Variants in SPATA13 observed in about 807,000 individuals in gnomAD.
The protein encoded by SPATA13 is spermatogenesis-associated protein 13.
In SPATA13, 50 loss-of-function variants were observed where a neutral mutation model predicts 104.0. That is an observed-to-expected ratio of 0.48 (90% CI 0.38 to 0.61). SPATA13 has a LOEUF of 0.61. SPATA13 is among the 20% of genes least tolerant of loss of function. SPATA13 has a pLI of 0.00. For synonymous variants in SPATA13, 606 were observed against 667.5 expected, an observed-to-expected ratio of 0.91 and a Z score of 1.42; for missense variants, 1,524 against 1,690.6, an observed-to-expected ratio of 0.90 and a Z score of 1.73.
intron 1 of SPATA13, among the ~76,000 whole-genome samples, chr13:24,193,896 A>C (rs1040240971): frequency 1.3e-5 from 2 of 152,150 alleles, no homozygotes; most frequent in East Asian, 3.9e-4. Context: ...TGCCCAGAAG[A>C]TCAGTAATTG....
At chr13:24,085,583 G>T (rs1013710336) in intron 3 of SPATA13, among the ~76,000 whole-genome samples, 1 of 152,202 alleles carries the variant, frequency 6.6e-6, no homozygotes, top group African/African-American at 2.4e-5. Context: ...CCAGAGGAAG[G>T]TGCTCCTTCT....
At chr13:24,040,252 GC>G (rs1377494932) in intron 3 of SPATA13, among the ~76,000 whole-genome samples, 1 of 152,178 alleles carries the variant, frequency 6.6e-6, no homozygotes, top group Non-Finnish European at 1.5e-5. Context: ...TCCACTGAGT[GC>G]TCTCTATGCA....
intron 4 of SPATA13, among the ~76,000 whole-genome samples, chr13:24,261,974 A>G (rs1874082740): frequency 6.6e-6 from 1 of 152,224 alleles, no homozygotes; most frequent in African/African-American, 2.4e-5. Context: ...TATGATATTA[A>G]CAATTATTTT....
Position 24,011,383 on chromosome 13 carries a change from A to C in SPATA13, c.-146-6284A>C, listed in dbSNP as rs1040940855. On this transcript the variant is annotated intron_variant, in intron 2 of 14. Coordinates refer to the SPATA13 transcript ENST00000424834. The surrounding 1 kb of genome is among the most constrained non-coding windows in gnomAD (Gnocchi z 4.3). Reference sequence around the variant, plus strand: ...GTCTGGGCCCAAGTGCTGAGGACTCAGGGATCCCTGAGACCGTTCTGGGCA... The same window carrying C: ...GTCTGGGCCCAAGTGCTGAGGACTCCGGGATCCCTGAGACCGTTCTGGGCA... Among the ~76,000 whole-genome samples the C allele has an allele frequency of 4.6e-5, 7 of 152,112 alleles. No homozygotes were observed. Among genetic ancestry groups the C allele is most frequent in the African/African-American group, 1.7e-4 (7 of 41,402 alleles).
intron 1 of SPATA13, among the ~76,000 whole-genome samples, chr13:24,188,044 A>G (rs903661295): frequency 1.3e-5 from 2 of 152,208 alleles, no homozygotes; most frequent in African/African-American, 4.8e-5. Context: ...GAAGGAAATT[A>G]AAAGTGATAC....
At chr13:24,173,254 T>G (rs1409338335) in intron 1 of SPATA13, among the ~76,000 whole-genome samples, 2 of 152,054 alleles carry the variant, frequency 1.3e-5, no homozygotes, top group Admixed American at 6.6e-5. Context: ...ATTTTTTGTA[T>G]TTTTAGTAGA....
At position 24,068,282 on chromosome 13, in the gene SPATA13, T is replaced by A. The variant is rs540435770; in HGVS notation, c.-112+50581T>A. Among the ~76,000 whole-genome samples the A allele has an allele frequency of 7.5e-4, 114 of 152,310 alleles. 1 individual carries two copies. The highest frequency in any genetic ancestry group is 2.7e-3 in the African/African-American group (114 of 41,572). On this transcript the variant is annotated intron_variant, in intron 3 of 14. Coordinates refer to the SPATA13 transcript ENST00000424834. The stretch of plus-strand genomic sequence containing the variant: ...TATTTGGTTTTCTGTTCCTGCTAGT[T>A]TGCTAAGGATAATGACCTCCCTACA...
In SPATA13 at chr13:24,242,278, G is replaced by C. The variant is rs1188418036; in HGVS notation, c.1654-7199G>C. On this transcript the variant is annotated intron_variant, in intron 2 of 12. Coordinates refer to ENST00000382108, the MANE Select transcript of SPATA13 (RefSeq NM_001166271.3). The stretch of plus-strand genomic sequence containing the variant: ...GAACCAACACAGAAGAGTCCAAGCC[G>C]GATGCATGCGCATGACTATGTCTAC... 2.6e-5 allele frequency among the ~76,000 whole-genome samples: 4 copies of C among 152,206 alleles called. No individual in the cohort carries two copies. The East Asian group carries it at 7.7e-4, about 29-fold the overall frequency.
chr13:24,182,051 G>A (rs1422467880), intron 1 of SPATA13, among the ~76,000 whole-genome samples: 1 of 152,176 alleles, frequency 6.6e-6, no homozygotes, highest in Non-Finnish European at 1.5e-5. Flanking sequence ...AAAAAGTTGT[G>A]TTGGAATTAT....
intron 1 of SPATA13, among the ~76,000 whole-genome samples, chr13:24,177,503 TA>T: frequency 6.6e-6 from 1 of 152,318 alleles, no homozygotes; most frequent in African/African-American, 2.4e-5. Flanking sequence ...TTTATTTTTT[TA>T]GACACAGTCT....
chr13:23,992,399 T>G (rs1012210913), intron 2 of SPATA13, among the ~76,000 whole-genome samples: 1 of 152,228 alleles, frequency 6.6e-6, no homozygotes, highest in African/African-American at 2.4e-5. Flanking sequence ...AACATTTTGG[T>G]GGCTTGCCAC....
intron 1 of SPATA13, among the ~76,000 whole-genome samples, chr13:24,198,272 C>T (rs370307577): frequency 3.6e-4 from 55 of 152,294 alleles, no homozygotes; most frequent in African/African-American, 1.1e-3. Context: ...AGATTACAGG[C>T]GTGAGCCACC....
intron 3 of SPATA13, among the ~76,000 whole-genome samples, chr13:24,113,903 A>G (rs2137816061): frequency 6.6e-6 from 1 of 151,652 alleles, no homozygotes; most frequent in Middle Eastern, 3.4e-3. Flanking sequence ...AAGAAAGAAA[A>G]TATAGTTATA....
At chr13:24,059,655 C>T (rs1483110964) in intron 3 of SPATA13, among the ~76,000 whole-genome samples, 3 of 152,154 alleles carry the variant, frequency 2.0e-5, no homozygotes, top group Non-Finnish European at 2.9e-5. Flanking sequence ...ATAAGTGTGT[C>T]CATTTTATAA....
At chr13:24,217,991 A>G (rs924635912) in intron 1 of SPATA13, among the ~76,000 whole-genome samples, 5 of 152,244 alleles carry the variant, frequency 3.3e-5, no homozygotes, top group Non-Finnish European at 7.3e-5. Flanking sequence ...TGGCTGGAGA[A>G]AGAGCCTGAG....
At chr13:23,986,084 C>A (rs1875136878) in intron 2 of SPATA13, among the ~76,000 whole-genome samples, 1 of 152,174 alleles carries the variant, frequency 6.6e-6, no homozygotes, top group Admixed American at 6.5e-5. Flanking sequence ...CCTGGCATTT[C>A]AAGTTGGAAT....
chr13:24,292,616 A>C (rs1469272969), intron 9 of SPATA13, among the ~76,000 whole-genome samples: 1 of 152,198 alleles, frequency 6.6e-6, no homozygotes, highest in Non-Finnish European at 1.5e-5. Flanking sequence ...GGGTTTCAGC[A>C]GCTAAATATC....
Position 24,286,033 on chromosome 13 carries a change from T to C in SPATA13, c.2302-181T>C, listed in dbSNP as rs1164911506. 8.5e-5 allele frequency among the ~76,000 whole-genome samples: 13 copies of C among 152,186 alleles called. No homozygotes were observed. The highest frequency in any genetic ancestry group is 8.5e-4 in the Admixed American group (13 of 15,280). ...GATGTCCTCCTGACTTTGTTTTTTC[T>C]TAGTCTGTTCTCCTGGGTTCTCTTT... On this transcript the variant is annotated intron_variant, in intron 5 of 12. Transcript: ENST00000382108. The surrounding 1 kb of genome is among the most constrained non-coding windows in gnomAD (Gnocchi z 4.9).
intron 3 of SPATA13, among the ~76,000 whole-genome samples, chr13:24,037,932 A>T (rs574896870): frequency 1.3e-5 from 2 of 150,990 alleles, no homozygotes; most frequent in African/African-American, 4.9e-5. Flanking sequence ...TTTTTTTTGA[A>T]ATGGAGTCTC....
Sources: gnomAD v4.1 joint callset for allele counts (sites outside exome capture counted in the v4.1 genomes callset) on GRCh38, gnomAD v4.1.1 for gene constraint, Gnocchi (gnomAD v3.1) non-coding constraint, MANE v1.5 for transcripts, NCBI Gene and HGNC (gene_info 2026-07-23, HGNC 2026-07-21) for gene names.